Variants in ADGB observed in about 807,000 individuals in gnomAD.
ADGB encodes calpain-7-like protein.
Under a neutral mutation model 210.5 loss-of-function variants are expected in ADGB, and 172 were observed. That is an observed-to-expected ratio of 0.82 (90% confidence interval 0.72 to 0.93). ADGB has a LOEUF of 0.93. ADGB is among the 40% of genes least tolerant of loss of function. The pLI is 0.00. For synonymous variants in ADGB, 658 were observed against 662.7 expected (o/e 0.99, Z 0.11); for missense variants, 2,025 against 1,964.8 (o/e 1.03, Z -0.58).
At chr6:146,759,356 TATACTA>T (rs1294514847) in intron 27 of ADGB, among the ~76,000 whole-genome samples, 2 of 151,804 alleles carry the variant, frequency 1.3e-5, no homozygotes, top group African/African-American at 4.8e-5. Context: ...AATAAAATCT[TATACTA>T]ATACTTATGG....
At chr6:146,645,693 C>G (rs1277831028) in intron 3 of ADGB, among the ~76,000 whole-genome samples, 1 of 151,874 alleles carries the variant, frequency 6.6e-6, no homozygotes, top group African/African-American at 2.4e-5. Flanking sequence ...ATTAGAACTG[C>G]TACTAATTCA....
At chr6:146,605,389 T>C (rs921431769) in intron 1 of ADGB, among the ~76,000 whole-genome samples, 1 of 152,104 alleles carries the variant, frequency 6.6e-6, no homozygotes, top group Non-Finnish European at 1.5e-5. Context: ...TTTTAATATA[T>C]GATGATGATG....
intron 1 of ADGB, among the ~76,000 whole-genome samples, chr6:146,617,673 G>A (rs1327552093): frequency 6.6e-6 from 1 of 151,840 alleles, no homozygotes; most frequent in South Asian, 2.1e-4. Context: ...TTTATCAAAT[G>A]CATTTTCAAT....
intron 5 of ADGB, among the ~76,000 whole-genome samples, chr6:146,660,944 G>A (rs1438677525): frequency 6.6e-6 from 1 of 151,992 alleles, no homozygotes; most frequent in Non-Finnish European, 1.5e-5. Context: ...GTGTTACTTT[G>A]TATTTATTGC....
intron 33 of ADGB, among the ~76,000 whole-genome samples, chr6:146,799,058 CAA>C (rs71552962): frequency 1.7e-4 from 11 of 63,530 alleles, no homozygotes; most frequent in South Asian, 7.5e-4. Flanking sequence ...TATGGAAATG[CAA>C]AAAAAAAAAA....
At chr6:146,675,280 C>A (rs144155940) in intron 8 of ADGB, among the ~76,000 whole-genome samples, 1 of 151,914 alleles carries the variant, frequency 6.6e-6, no homozygotes, top group East Asian at 1.9e-4. Flanking sequence ...CTGGTGAAAT[C>A]CTGTCTCTAT....
chr6:146,599,683 G>A (rs1780524005), intron 1 of ADGB, among the ~76,000 whole-genome samples: 4 of 152,040 alleles, frequency 2.6e-5, no homozygotes, highest in Admixed American at 2.6e-4. Context: ...ACAGACCCTC[G>A]CTCATGGAAT....
intron 14 of ADGB, among the ~76,000 whole-genome samples, chr6:146,716,054 CAAAAA>C (rs61093466): frequency 1.0e-5 from 1 of 96,938 alleles, no homozygotes. Flanking sequence ...GACTCCGTCT[CAAAAA>C]AAAAAAAAAA....
intron 20 of ADGB, 51 bp from the exon 21 acceptor site, chr6:146,733,069 C>A (rs749765149): frequency 3.6e-5 from 48 of 1,334,336 alleles, no homozygotes; most frequent in Non-Finnish European, 3.9e-5. Flanking sequence ...TAGAGCTTCT[C>A]TGGCCAGATG....
rs192553140 is a variant in ADGB at position 146,743,257 on chromosome 6, G to A, written c.3177+1986G>A. 8.6e-4 allele frequency among the ~76,000 whole-genome samples: 131 copies of A among 152,218 alleles called. 1 individual carries two copies. Among genetic ancestry groups the A allele is most frequent in the Admixed American group, 7.6e-3 (116 of 15,288 alleles). On this transcript the variant is annotated intron_variant, in intron 25 of 35. Coordinates refer to ENST00000397944, the MANE Select transcript of ADGB (RefSeq NM_024694.4). ...ATAGATGTCATCAAATTCTAGCAAT[G>A]AATTTTGTATTACTAGATAAATATA...
rs71031008 is a variant in ADGB, at chr6:146,738,438, C to CTTTTT, written c.2888+1873_2888+1877dup. 6.2e-4 allele frequency among the ~76,000 whole-genome samples: 44 copies of CTTTTT among 71,394 alleles called. 4 individuals carry two copies. The highest frequency in any genetic ancestry group is 1.8e-3 in the African/African-American group (37 of 20,384). 46.8% of individuals were successfully genotyped at this position (71,394 alleles called of 152,430 possible). A position where few individuals can be genotyped will look rare whatever the true frequency, so the allele number is the denominator to read the frequency against. On this transcript the variant is annotated intron_variant, in intron 23 of 35. Coordinates refer to ENST00000397944, the MANE Select transcript of ADGB (RefSeq NM_024694.4). Reference sequence around the variant, plus strand: ...GAATCCCATTCGAATCCCATTTCATCTTTTTTTTTTTTTTTTTTTTTTTTT... The same window carrying CTTTTT: ...GAATCCCATTCGAATCCCATTTCATCTTTTTTTTTTTTTTTTTTTTTTTTTTTTTT...
chr6:146,721,978 A>T (rs1447592124), intron 17 of ADGB, among the ~76,000 whole-genome samples: 1 of 152,032 alleles, frequency 6.6e-6, no homozygotes, highest in Non-Finnish European at 1.5e-5. Context: ...GACACCAGGG[A>T]TTATGCCCAC....
intron 12 of ADGB, among the ~76,000 whole-genome samples, chr6:146,698,345 G>T (rs770126890): frequency 6.6e-6 from 1 of 152,170 alleles, no homozygotes. Flanking sequence ...CTCTTGGATA[G>T]ACTATAATCT....
chr6:146,798,159 A>G (rs1359617288), intron 33 of ADGB, among the ~76,000 whole-genome samples: 1 of 152,182 alleles, frequency 6.6e-6, no homozygotes, highest in Non-Finnish European at 1.5e-5. Flanking sequence ...GATCTGCCTT[A>G]AAACAAATAC....
At chr6:146,810,006 A>C (rs948440681) in intron 35 of ADGB, among the ~76,000 whole-genome samples, 2 of 151,834 alleles carry the variant, frequency 1.3e-5, no homozygotes, top group Non-Finnish European at 2.9e-5. Flanking sequence ...AAAACAACAA[A>C]ATGAAAAGAC....
intron 25 of ADGB, among the ~76,000 whole-genome samples, chr6:146,745,451 C>T (rs1000943643): frequency 3.9e-5 from 6 of 152,172 alleles, no homozygotes; most frequent in African/African-American, 1.2e-4. Flanking sequence ...GGAATCAAAT[C>T]AGCTATTAAT....
chr6:146,809,248 T>C (rs1778263007), intron 35 of ADGB, among the ~76,000 whole-genome samples: 1 of 152,216 alleles, frequency 6.6e-6, no homozygotes, highest in Admixed American at 6.5e-5. Context: ...ACTTGTTGCC[T>C]AGGCTAGAGT....
rs541890313 is a variant in ADGB at position 146,676,381 on chromosome 6, T to A, written c.1156T>A (p.Ser386Thr). 8.4e-6 allele frequency: 13 copies of A among 1,549,120 alleles called. No homozygotes were observed. In the East Asian group the frequency reaches 2.0e-4, roughly 23 times the overall value. Residue 386 changes from serine to threonine, a missense_variant, in exon 9 of 36, where the codon TCA (serine) becomes ACA (threonine). By Grantham distance (58) the Ser-to-Thr change is moderately conservative (BLOSUM62 1). Transcript: ENST00000397944. The stretch of plus-strand genomic sequence containing the variant: ...TGGAGAAAAAGAAAAATTCAAATTC[T>A]CACTTCATGGTTCAAGACCCTCATC... ...KDGEKEKFKF[S>T]LHGSRPSSEV...
chr6:146,635,462 T>G lies in ADGB; in HGVS notation c.162T>G (p.Ala54=). The change falls in exon 2 of 36, where the codon GCT becomes GCG. Residue 54 remains alanine, a synonymous_variant. Coordinates refer to ENST00000397944, the MANE Select transcript of ADGB (RefSeq NM_024694.4). ...KFPLWPEWSE[A]DINSEKWDAG... is the part of the protein sequence containing the mutation. ...CACTCTGGCCAGAGTGGAGTGAAGCTGACATAAATTCAGAAAAGTGGGATG... is the reference window on the plus strand; with the variant it reads ...CACTCTGGCCAGAGTGGAGTGAAGCGGACATAAATTCAGAAAAGTGGGATG... The G allele has an allele frequency of 6.5e-7, 1 of 1,548,294 alleles. No individual in the cohort carries two copies. Among genetic ancestry groups the G allele is most frequent in the South Asian group, 1.2e-5 (1 of 83,632 alleles).
Sources: allele counts gnomAD v4.1 joint callset (sites outside exome capture counted in the v4.1 genomes callset), GRCh38; gene constraint gnomAD v4.1.1; transcripts MANE v1.5; gene names NCBI Gene and HGNC (gene_info 2026-07-23, HGNC 2026-07-21).